Variants in TUBGCP2 observed in about 807,000 individuals in gnomAD.
The protein encoded by TUBGCP2 is gamma-tubulin complex component 2.
Under a neutral mutation model 92.2 loss-of-function variants are expected in TUBGCP2, and 55 were observed. The ratio of observed to expected loss-of-function variants is 0.60; its 90% CI spans 0.48 to 0.75. The LOEUF is 0.75. Ranked by LOEUF, TUBGCP2 falls within the 30% of genes least tolerant of loss-of-function variation. The pLI, the probability that TUBGCP2 is intolerant of heterozygous loss-of-function variation, is 0.00. For synonymous variants in TUBGCP2, 533 were observed against 505.2 expected, an observed-to-expected ratio of 1.06 and a Z score of -0.74; for missense variants, 1,093 against 1,188.9, an observed-to-expected ratio of 0.92 and a Z score of 1.19.
chr10:133,300,176 C>G, intron 2 of TUBGCP2, 63 bp from the exon 3 acceptor site: 1 of 1,569,396 alleles, frequency 6.4e-7, no homozygotes, highest in Non-Finnish European at 8.6e-7. Context: ...AAAAAAAAAC[C>G]TTTACGAAAA....
chr10:133,310,035 G>T, upstream of TUBGCP2: 1 of 1,608,948 alleles, frequency 6.2e-7, no homozygotes, highest in East Asian at 2.2e-5. Context: ...GGCTCAGAGT[G>T]CTGCCCCCAG....
chr10:133,297,323 G>GGC (rs1348706109), intron 5 of TUBGCP2: 5 of 387,404 alleles, frequency 1.3e-5, no homozygotes, highest in Non-Finnish European at 2.5e-5. Flanking sequence ...GCTTCAACCT[G>GGC]GGAGGTGGAG....
chr10:133,293,119 C>G lies in TUBGCP2; in HGVS notation c.944G>C (p.Arg315Thr). 1 of 1,613,910 alleles carries G rather than the reference C, an allele frequency of 6.2e-7. No homozygotes were observed. Among genetic ancestry groups the G allele is most frequent in the Non-Finnish European group, 8.5e-7 (1 of 1,180,054 alleles). ...CTTCTGCAGCGAAAGGAGGCCCTGC[C>G]TGTGCAGCTGCTCCAGCTGTGACAC... is the stretch of plus-strand genomic sequence containing the variant. ...ILVSQLEQLHRQGLLSLQKLW... is the reference protein window; with the variant it reads ...ILVSQLEQLHTQGLLSLQKLW... The change falls in exon 7 of 18, where the codon AGG (arginine) becomes ACG (threonine). Residue 315 changes from arginine to threonine, a missense_variant. By Grantham distance (71) the Arg-to-Thr change is moderately conservative. Coordinates refer to ENST00000252936, the MANE Select transcript of TUBGCP2 (RefSeq NM_006659.4).
intron 1 of TUBGCP2, among the ~76,000 whole-genome samples, chr10:133,307,329 C>G (rs143344885): frequency 6.6e-6 from 1 of 152,232 alleles, no homozygotes; most frequent in Non-Finnish European, 1.5e-5. Context: ...GCATGTCACA[C>G]TCCACCACGG....
intron 13 of TUBGCP2, 47 bp from the exon 14 acceptor site, chr10:133,284,049 G>A (rs376442363): frequency 6.3e-5 from 100 of 1,598,080 alleles, no homozygotes; most frequent in East Asian, 4.0e-4. Context: ...ACGCGGCCCC[G>A]ACAGCGCCCA....
At chr10:133,306,919 G>A (rs1847833423) in intron 1 of TUBGCP2, among the ~76,000 whole-genome samples, 1 of 152,294 alleles carries the variant, frequency 6.6e-6, no homozygotes, top group African/African-American at 2.4e-5. Context: ...CTGAATGTGG[G>A]GACCGGGCCT....
intron 4 of TUBGCP2, 70 bp from the exon 5 acceptor site, chr10:133,298,181 G>A: frequency 2.7e-6 from 4 of 1,505,044 alleles, no homozygotes; most frequent in Non-Finnish European, 3.6e-6. Context: ...CTAAAGACAT[G>A]CATAGAAGCT....
At chr10:133,291,958 C>T (rs112966638) in intron 8 of TUBGCP2, among the ~76,000 whole-genome samples, 329 of 6,464 alleles carry the variant, frequency 0.051, 84 homozygotes, top group Non-Finnish European at 0.093. Context: ...TCCGTGTCCC[C>T]GTGTCCCGGG....
At chr10:133,295,020 A>G (rs1489420400) in intron 5 of TUBGCP2, among the ~76,000 whole-genome samples, 1 of 151,552 alleles carries the variant, frequency 6.6e-6, no homozygotes, top group African/African-American at 2.4e-5. Flanking sequence ...ACTTTCCACC[A>G]TGTTGGCCTC....
chr10:133,307,084 G>A (rs192080084), intron 1 of TUBGCP2, among the ~76,000 whole-genome samples: 34 of 152,340 alleles, frequency 2.2e-4, no homozygotes, highest in South Asian at 1.2e-3. Flanking sequence ...GAGCTGTCCC[G>A]CCAGAAATGC....
At chr10:133,311,574 T>C (rs537164029), upstream of TUBGCP2, 237 of 698,436 alleles carry the variant, frequency 3.4e-4, no homozygotes, top group Middle Eastern at 2.1e-3. Flanking sequence ...TAAACCACAC[T>C]ATAAAATCAG....
At chr10:133,288,576 GC>G (rs949269893) in intron 10 of TUBGCP2, among the ~76,000 whole-genome samples, 2 of 152,252 alleles carry the variant, frequency 1.3e-5, no homozygotes, top group Admixed American at 6.5e-5. Context: ...CAACCACCAC[GC>G]AAGCTGTGGC....
chr10:133,311,990 C>G, upstream of TUBGCP2: 2 of 1,605,742 alleles, frequency 1.2e-6, no homozygotes, highest in Non-Finnish European at 1.7e-6. Context: ...AGAAGAAAGT[C>G]CAGATATCTC....
chr10:133,279,553 G>A lies in TUBGCP2; in HGVS notation c.*213C>T, dbSNP rs967206931. 1 of 689,502 alleles carries A rather than the reference G, an allele frequency of 1.5e-6. No individual in the cohort carries two copies. Among genetic ancestry groups the A allele is most frequent in the South Asian group, 2.5e-5 (1 of 39,808 alleles). The allele number at this position is 689,502 out of a possible 1,614,324, so 42.7% of individuals were successfully genotyped here. A position where few individuals can be genotyped will look rare whatever the true frequency, so the allele number is the denominator to read the frequency against. ...ATAGTGTAATTTCAAAAAGCAAACA[G>A]ATTAGCAAATCCAGGGAGACATCCA... On this transcript the variant is annotated 3_prime_UTR_variant, in exon 18 of 18. Transcript: ENST00000252936.
In TUBGCP2 at chr10:133,289,560, T is replaced by G. The variant is rs182170734; in HGVS notation, c.1360+264A>C. Among the ~76,000 whole-genome samples the G allele has an allele frequency of 9.0e-4, 137 of 152,270 alleles. 1 individual carries two copies. The Middle Eastern group carries it at 0.024, about 26-fold the overall frequency. ...GAAACAGAAATAGAGAAGGCACCTG[T>G]GAGAGAGCCTCGCAGGGTCAGGGAC... On this transcript the variant is annotated intron_variant, in intron 9 of 17. Coordinates refer to ENST00000252936, the MANE Select transcript of TUBGCP2 (RefSeq NM_006659.4).
intron 15 of TUBGCP2, among the ~76,000 whole-genome samples, 160 bp downstream of exon 15, chr10:133,282,918 C>T (rs961643186): frequency 6.6e-5 from 10 of 152,196 alleles, no homozygotes; most frequent in Non-Finnish European, 1.3e-4. Flanking sequence ...GGGAATCACC[C>T]GGCCAGGAAG....
chr10:133,301,833 GCCC>G (rs1204090866), intron 2 of TUBGCP2: 1 of 147,036 alleles, frequency 6.8e-6, no homozygotes, highest in African/African-American at 2.5e-5. Context: ...TCCTGCCTCA[GCCC>G]CCCGAGTAGC....
rs78451311 is a variant in TUBGCP2, at chr10:133,292,130, C to T, written c.1214+369G>A. On this transcript the variant is annotated intron_variant, in intron 8 of 17. Transcript: ENST00000252936. The stretch of plus-strand genomic sequence containing the variant: ...GTGTCCCCCATGTCCCCCATGTCCC[C>T]GTGTCCCGGGGAGCCCTACCTGTAC... Among the ~76,000 whole-genome samples the T allele has an allele frequency of 3.0e-3, 27 of 8,964 alleles. 9 individuals are homozygous for T. The highest frequency in any genetic ancestry group is 0.018 in the African/African-American group (20 of 1,108). 5.9% of individuals were successfully genotyped at this position (8,964 alleles called of 152,430 possible).
At chr10:133,293,482 C>G in intron 6 of TUBGCP2, 80 bp downstream of exon 6, 1 of 1,466,236 alleles carries the variant, frequency 6.8e-7, no homozygotes, top group Non-Finnish European at 9.3e-7. Context: ...GCGATGCAGA[C>G]GTCCCCATGG....
Sources: allele counts gnomAD v4.1 joint callset (sites outside exome capture counted in the v4.1 genomes callset), GRCh38; gene constraint gnomAD v4.1.1; transcripts MANE v1.5; gene names NCBI Gene and HGNC (gene_info 2026-07-23, HGNC 2026-07-21).